Variants in DPYSL3 observed in about 807,000 individuals in gnomAD.
The protein encoded by DPYSL3 is dihydropyrimidinase-related protein 3.
Under a neutral mutation model 66.1 loss-of-function variants are expected in DPYSL3, and 16 were observed. That is an observed-to-expected ratio of 0.24 (90% CI 0.16 to 0.37). The LOEUF is 0.37. Among genes scored for constraint, DPYSL3 ranks in the 10% least tolerant of loss-of-function variants. DPYSL3 has a pLI of 1.00. For missense variants in DPYSL3, 738 were observed against 916.2 expected, an observed-to-expected ratio of 0.81 and a Z score of 2.51; for synonymous variants, 338 against 345.1, an observed-to-expected ratio of 0.98 and a Z score of 0.23.
At chr5:147,395,781 G>A in intron 12 of DPYSL3, 60 bp from the exon 13 acceptor site, 4 of 1,588,564 alleles carry the variant, frequency 2.5e-6, no homozygotes, top group East Asian at 2.2e-5. Flanking sequence ...GTCTGTTCTA[G>A]GTATCATAAA....
At chr5:147,416,408 C>T (rs895711334) in intron 3 of DPYSL3, among the ~76,000 whole-genome samples, 1 of 152,194 alleles carries the variant, frequency 6.6e-6, no homozygotes, top group Non-Finnish European at 1.5e-5. Flanking sequence ...GTGTCAGTTA[C>T]ATAAACCTGA....
At chr5:147,442,276 G>A (rs747850131) in intron 1 of DPYSL3, among the ~76,000 whole-genome samples, 69 of 152,286 alleles carry the variant, frequency 4.5e-4, no homozygotes, top group African/African-American at 1.4e-3. Flanking sequence ...CTCCAGCTGC[G>A]TAGCTTCAGG....
chr5:147,450,305 T>C (rs1752703909), intron 1 of DPYSL3, among the ~76,000 whole-genome samples: 1 of 152,038 alleles, frequency 6.6e-6, no homozygotes, highest in Admixed American at 6.5e-5. Context: ...CCTGACAAAA[T>C]AAACACTCAA....
In DPYSL3 at chr5:147,509,900, A is replaced by G; in HGVS notation, c.-42T>C. ...CGGCCCGCGGGTTTTTCTTCCCCAG[A>G]GGCGGAAAGGGCAGCCGCCGGCAGC... On this transcript the variant is annotated 5_prime_UTR_variant, in exon 1 of 14. Transcript: ENST00000343218. The surrounding 1 kb of genome is among the most constrained non-coding windows in gnomAD (Gnocchi z 5.3). The G allele has an allele frequency of 6.8e-7, 1 of 1,471,596 alleles. No individual in the cohort carries two copies. The allele number at this position is 1,471,596 out of a possible 1,614,324, so 91.2% of individuals were successfully genotyped here.
At chr5:147,506,913 T>C (rs975488516) in intron 1 of DPYSL3, among the ~76,000 whole-genome samples, 8 of 152,220 alleles carry the variant, frequency 5.3e-5, no homozygotes, top group Non-Finnish European at 8.8e-5. Context: ...CATGGCAAGA[T>C]TGTATTCCAC....
At chr5:147,493,625 G>A (rs1753453610) in intron 1 of DPYSL3, among the ~76,000 whole-genome samples, 1 of 151,882 alleles carries the variant, frequency 6.6e-6, no homozygotes, top group Non-Finnish European at 1.5e-5. Context: ...AAGGAAAAAT[G>A]GACAGATCCA....
intron 1 of DPYSL3, among the ~76,000 whole-genome samples, chr5:147,489,022 A>G (rs147703009): frequency 4.6e-5 from 7 of 151,940 alleles, no homozygotes; most frequent in Non-Finnish European, 8.8e-5. Context: ...TCTAAAAAAA[A>G]AAAAAGAAAA....
At chr5:147,498,961 A>G (rs540679204) in intron 1 of DPYSL3, among the ~76,000 whole-genome samples, 9 of 152,088 alleles carry the variant, frequency 5.9e-5, no homozygotes, top group Non-Finnish European at 1.0e-4. Context: ...TTTCATTGCA[A>G]TTGCTTTTGG....
intron 1 of DPYSL3, among the ~76,000 whole-genome samples, chr5:147,499,961 T>C (rs555886005): frequency 3.9e-5 from 6 of 152,198 alleles, no homozygotes; most frequent in African/African-American, 1.4e-4. Context: ...TTCCAACAAA[T>C]AGTATTAAAA....
At chr5:147,460,475 T>C (rs1752915746) in intron 1 of DPYSL3, among the ~76,000 whole-genome samples, 1 of 152,142 alleles carries the variant, frequency 6.6e-6, no homozygotes, top group African/African-American at 2.4e-5. Context: ...TCACCTTACA[T>C]GACAAAGGGA....
chr5:147,484,544 A>G (rs1217579131), intron 1 of DPYSL3, among the ~76,000 whole-genome samples: 1 of 152,210 alleles, frequency 6.6e-6, no homozygotes, highest in Non-Finnish European at 1.5e-5. Flanking sequence ...AAACAATAAC[A>G]AACCAATAGT....
intron 1 of DPYSL3, among the ~76,000 whole-genome samples, chr5:147,483,885 C>A (rs139859938): frequency 2.0e-5 from 3 of 152,118 alleles, no homozygotes; most frequent in Admixed American, 1.3e-4. Flanking sequence ...TATCTCCCCC[C>A]CAAGGGATAC....
At chr5:147,461,641 G>T (rs1752934322) in intron 1 of DPYSL3, among the ~76,000 whole-genome samples, 1 of 152,102 alleles carries the variant, frequency 6.6e-6, no homozygotes, top group African/African-American at 2.4e-5. Context: ...AGGGAGACTG[G>T]CAGATACAAG....
chr5:147,440,651 T>C (rs1239337616), intron 1 of DPYSL3, among the ~76,000 whole-genome samples: 1 of 152,236 alleles, frequency 6.6e-6, no homozygotes, highest in Non-Finnish European at 1.5e-5. Flanking sequence ...CTAATTATGC[T>C]ATCTTTTTAA....
chr5:147,507,929 G>A (rs1261800410), intron 1 of DPYSL3, among the ~76,000 whole-genome samples: 1 of 152,114 alleles, frequency 6.6e-6, no homozygotes, highest in African/African-American at 2.4e-5. Context: ...CACAGCAATT[G>A]TTACCGACCT....
chr5:147,434,282 T>C (rs7725771), intron 1 of DPYSL3, among the ~76,000 whole-genome samples: 90,216 of 152,070 alleles, frequency 0.59, 27,303 homozygotes, highest in African/African-American at 0.71. Flanking sequence ...CTAATTCATG[T>C]CCCTCTTTGG....
At chr5:147,489,014 T>TA (rs566621274) in intron 1 of DPYSL3, among the ~76,000 whole-genome samples, 2,106 of 137,608 alleles carry the variant, frequency 0.015, 64 homozygotes, top group East Asian at 0.086. Context: ...AGACTTCATC[T>TA]AAAAAAAAAA....
At chr5:147,456,378 A>G (rs1238521912) in intron 1 of DPYSL3, among the ~76,000 whole-genome samples, 3 of 152,162 alleles carry the variant, frequency 2.0e-5, no homozygotes, top group African/African-American at 7.2e-5. Flanking sequence ...GGAGAGGAAG[A>G]TGTAGAAATA....
chr5:147,491,394 G>A (rs1309734956), intron 1 of DPYSL3, among the ~76,000 whole-genome samples: 1 of 152,104 alleles, frequency 6.6e-6, no homozygotes, highest in Non-Finnish European at 1.5e-5. Flanking sequence ...ACAAAAAATT[G>A]CAAGGTATAC....
Sources: allele counts gnomAD v4.1 joint callset (sites outside exome capture counted in the v4.1 genomes callset), GRCh38; gene constraint gnomAD v4.1.1; non-coding constraint Gnocchi (gnomAD v3.1); transcripts MANE v1.5; gene names NCBI Gene and HGNC (gene_info 2026-07-23, HGNC 2026-07-21).